CACNG2: variants seen among roughly 807,000 people sequenced by gnomAD.
CACNG2 encodes the protein voltage-dependent calcium channel gamma-2 subunit.
In CACNG2, 3 loss-of-function variants were observed where a neutral mutation model predicts 25.9. That is an observed-to-expected ratio of 0.12 (90% CI 0.05 to 0.30). CACNG2 has a LOEUF of 0.30. Ranked by LOEUF, CACNG2 falls within the 10% of genes least tolerant of loss-of-function variation. The pLI, the probability that CACNG2 is intolerant of heterozygous loss-of-function variation, is 1.00. For missense variants in CACNG2, 341 were observed against 432.5 expected (o/e 0.79, Z 1.88); for synonymous variants, 167 against 173.3 (o/e 0.96, Z 0.29).
At chr22:36,688,538 T>TAAA (rs1937229851) in intron 1 of CACNG2, among the ~76,000 whole-genome samples, 1 of 78,326 alleles carries the variant, frequency 1.3e-5, no homozygotes, top group African/African-American at 6.4e-5. Context: ...AGACCCTGTC[T>TAAA]CAAAAAAAAA....
intron 1 of CACNG2, among the ~76,000 whole-genome samples, chr22:36,685,694 A>C (rs1937186958): frequency 6.6e-6 from 1 of 152,228 alleles, no homozygotes; most frequent in African/African-American, 2.4e-5. Flanking sequence ...CTCAGTCCTC[A>C]GGGGAAGGAT....
intron 1 of CACNG2, among the ~76,000 whole-genome samples, chr22:36,651,650 C>T (rs1936617204): frequency 6.6e-6 from 1 of 152,020 alleles, no homozygotes; most frequent in Non-Finnish European, 1.5e-5. Flanking sequence ...TGTCTCTCCC[C>T]ACTAGAAAGT....
At chr22:36,595,601 TGGGTGAGGGTGA>T (rs1165526764) in intron 1 of CACNG2, among the ~76,000 whole-genome samples, 1 of 151,034 alleles carries the variant, frequency 6.6e-6, no homozygotes, top group Admixed American at 6.6e-5. Context: ...GAGGGCTGGG[TGGGTGAGGGTGA>T]GGGTGAGGGT....
In CACNG2 at chr22:36,702,505, C is replaced by T; in HGVS notation, c.72G>A (p.Met24Ile). The change falls in exon 1 of 4, where the codon ATG becomes ATA. Residue 24 changes from methionine (M) to isoleucine (I), a missense_variant. This residue lies in a region of CACNG2 where 169 missense variants were observed against 254.4 expected (regional missense o/e 0.66). Transcript: ENST00000300105. ...AATAGTCGGTTCCCACAGCTATGGT[C>T]ATCAGGCTGAAGGCAGCGAAAGCAC... Reference protein sequence around the residue: ...TVGAFAAFSLMTIAVGTDYWL... With the variant: ...TVGAFAAFSLITIAVGTDYWL... 6.2e-7 allele frequency: 1 copy of T among 1,614,126 alleles called. No individual in the cohort carries two copies. Among genetic ancestry groups the T allele is most frequent in the Non-Finnish European group, 8.5e-7 (1 of 1,180,000 alleles).
intron 2 of CACNG2, among the ~76,000 whole-genome samples, chr22:36,583,433 A>C (rs868367699): frequency 2.2e-5 from 2 of 90,372 alleles, no homozygotes; most frequent in Non-Finnish European, 4.7e-5. Flanking sequence ...ATTCCGTCTC[A>C]AAAAAAAAAG....
chr22:36,688,742 C>A (rs1937233803), intron 1 of CACNG2, among the ~76,000 whole-genome samples: 1 of 152,110 alleles, frequency 6.6e-6, no homozygotes, highest in African/African-American at 2.4e-5. Context: ...CTGCCAGAAC[C>A]TGCTGGCCAT....
chr22:36,615,851 A>G (rs948899968), intron 1 of CACNG2, among the ~76,000 whole-genome samples: 5 of 152,218 alleles, frequency 3.3e-5, no homozygotes, highest in Non-Finnish European at 7.4e-5. Context: ...GTTAGTTAAA[A>G]AAATTGTGTT....
intron 1 of CACNG2, among the ~76,000 whole-genome samples, chr22:36,618,705 G>T (rs1936062149): frequency 6.6e-6 from 1 of 152,176 alleles, no homozygotes; most frequent in African/African-American, 2.4e-5. Context: ...CGGATCATGA[G>T]GTCAGGAGAT....
chr22:36,662,383 A>G (rs9619630), intron 1 of CACNG2, among the ~76,000 whole-genome samples: 16,285 of 152,154 alleles, frequency 0.11, 2,888 homozygotes, highest in African/African-American at 0.37. Flanking sequence ...GTGATCTGCC[A>G]GTTCATTCAC....
intron 1 of CACNG2, among the ~76,000 whole-genome samples, chr22:36,646,900 C>T (rs1364888936): frequency 1.3e-5 from 2 of 151,866 alleles, no homozygotes; most frequent in Admixed American, 6.6e-5. Context: ...TCATGAGGGC[C>T]CTTACTTTGT....
At chr22:36,643,679 T>C (rs1271844491) in intron 1 of CACNG2, among the ~76,000 whole-genome samples, 1 of 152,196 alleles carries the variant, frequency 6.6e-6, no homozygotes, top group Non-Finnish European at 1.5e-5. Context: ...CTAATGCTAC[T>C]CTGTGCAACC....
At chr22:36,576,876 C>G (rs139420264) in intron 2 of CACNG2, among the ~76,000 whole-genome samples, 1 of 152,132 alleles carries the variant, frequency 6.6e-6, no homozygotes, top group Non-Finnish European at 1.5e-5. Context: ...CCTGGCACAT[C>G]GTCAAGTGTT....
At chr22:36,587,275 G>C (rs773597469) in intron 2 of CACNG2, among the ~76,000 whole-genome samples, 190 bp downstream of exon 2, 2 of 152,166 alleles carry the variant, frequency 1.3e-5, no homozygotes, top group Non-Finnish European at 2.9e-5. Flanking sequence ...AAGACGGGCA[G>C]GGAAGGGCAT....
chr22:36,678,240 G>A lies in CACNG2; in HGVS notation c.211+24126C>T, dbSNP rs565356800. Among the ~76,000 whole-genome samples the A allele has an allele frequency of 5.1e-4, 77 of 152,244 alleles. 1 individual carries two copies. Among genetic ancestry groups the A allele is most frequent in the African/African-American group, 1.7e-3 (72 of 41,558 alleles). The stretch of plus-strand genomic sequence containing the variant: ...AGTGCTGAAGAATGAATGACACCCC[G>A]TCCTGGCTGAAATTTATGTCACACA... On this transcript the variant is annotated intron_variant, in intron 1 of 3. Coordinates refer to ENST00000300105, the MANE Select transcript of CACNG2 (RefSeq NM_006078.5).
At chr22:36,625,920 CCTT>C (rs1397828792) in intron 1 of CACNG2, among the ~76,000 whole-genome samples, 2 of 152,036 alleles carry the variant, frequency 1.3e-5, no homozygotes, top group Non-Finnish European at 2.9e-5. Context: ...TGCATTGACA[CCTT>C]TTTTTTGTTT....
At chr22:36,663,045 A>T (rs1400231223) in intron 1 of CACNG2, among the ~76,000 whole-genome samples, 2 of 142,802 alleles carry the variant, frequency 1.4e-5, no homozygotes, top group East Asian at 3.9e-4. Flanking sequence ...AGTTAAAAAA[A>T]AAAGAGAGAG....
chr22:36,678,399 C>T (rs145371101), intron 1 of CACNG2, among the ~76,000 whole-genome samples: 1 of 152,158 alleles, frequency 6.6e-6, no homozygotes, highest in East Asian at 1.9e-4. Context: ...AAAGCAGCTT[C>T]CCCATTCCCC....
chr22:36,694,357 G>A (rs537510140), intron 1 of CACNG2, among the ~76,000 whole-genome samples: 1 of 152,298 alleles, frequency 6.6e-6, no homozygotes, highest in East Asian at 1.9e-4. Flanking sequence ...GGAACTGGGA[G>A]AATAAAGCCT....
At chr22:36,571,726 A>T (rs938455744) in intron 2 of CACNG2, among the ~76,000 whole-genome samples, 1 of 151,600 alleles carries the variant, frequency 6.6e-6, no homozygotes, top group African/African-American at 2.4e-5. Context: ...AAAATAAAAA[A>T]ATTAGCTGGG....
Sources: gnomAD v4.1 joint callset for allele counts (sites outside exome capture counted in the v4.1 genomes callset) on GRCh38, gnomAD v4.1.1 for gene constraint, gnomAD v4.1.1 regional missense constraint, MANE v1.5 for transcripts, NCBI Gene and HGNC (gene_info 2026-07-23, HGNC 2026-07-21) for gene names.